SCLT1: variants seen among roughly 807,000 people sequenced by gnomAD.
SCLT1 encodes the protein sodium channel-associated protein 1.
In SCLT1, 78 loss-of-function variants were observed where a neutral mutation model predicts 112.8. The ratio of observed to expected loss-of-function variants is 0.69; its 90% confidence interval spans 0.58 to 0.83. SCLT1 has a LOEUF of 0.83. Among genes scored for constraint, SCLT1 ranks in the 40% least tolerant of loss-of-function variants. SCLT1 has a pLI of 0.00. For missense variants in SCLT1, 747 were observed against 770.4 expected (o/e 0.97, Z 0.36); for synonymous variants, 257 against 254.7 (o/e 1.01, Z -0.09).
At position 128,946,090 on chromosome 4, in the gene SCLT1, T is replaced by C. The variant is rs754406001; in HGVS notation, c.1356A>G (p.Arg452=). 13 of 1,609,538 alleles carry C rather than the reference T, an allele frequency of 8.1e-6. No individual in the cohort carries two copies. The South Asian group carries it at 1.3e-4, about 16-fold the overall frequency. ...CTTTTGAACGCTCTGAAACCAGGAATCTTTGGTGCATTTCTTCCAGTTTTC... is the reference window on the plus strand; with the variant it reads ...CTTTTGAACGCTCTGAAACCAGGAACCTTTGGTGCATTTCTTCCAGTTTTC... ...DYRKLEEMHQ[R]FLVSERSKDD... The change falls in exon 16 of 21, where the codon AGA becomes AGG. Residue 452 remains arginine (R), a synonymous_variant. Coordinates refer to ENST00000281142, the MANE Select transcript of SCLT1 (RefSeq NM_144643.4).
chr4:129,018,067 C>A (rs754813949), intron 5 of SCLT1, among the ~76,000 whole-genome samples: 4 of 152,254 alleles, frequency 2.6e-5, no homozygotes, highest in Non-Finnish European at 4.4e-5. Flanking sequence ...TGCAGCAACA[C>A]CCTGCCTTAG....
chr4:128,879,581 T>A (rs1579269204), downstream of SCLT1, among the ~76,000 whole-genome samples: 2 of 152,184 alleles, frequency 1.3e-5, no homozygotes, highest in South Asian at 4.1e-4. Context: ...ATACCTCATA[T>A]CTTTGGAAAG....
intron 8 of SCLT1, 24 bp from the exon 9 acceptor site, chr4:128,992,261 C>T: frequency 6.8e-7 from 1 of 1,471,536 alleles, no homozygotes; most frequent in Non-Finnish European, 9.4e-7. Flanking sequence ...AAAAAAGAAT[C>T]AGTATTAGAA....
chr4:128,902,111 T>C (rs888545230), intron 18 of SCLT1, among the ~76,000 whole-genome samples: 1 of 152,020 alleles, frequency 6.6e-6, no homozygotes, highest in Non-Finnish European at 1.5e-5. Context: ...CATTATGTTG[T>C]CCAGGTTGGT....
chr4:128,997,794 T>C (rs1743136212), intron 8 of SCLT1, 80 bp downstream of exon 8: 1 of 664,170 alleles, frequency 1.5e-6, no homozygotes, highest in African/African-American at 1.9e-5. Flanking sequence ...GCAGCATGCT[T>C]ATTGTTGATT....
intron 19 of SCLT1, among the ~76,000 whole-genome samples, chr4:128,890,201 G>A (rs1733202959): frequency 6.6e-6 from 1 of 152,130 alleles, no homozygotes; most frequent in African/African-American, 2.4e-5. Context: ...CATAATGGTT[G>A]AGGAACAGTT....
chr4:128,910,312 AT>A (rs1553960318), intron 18 of SCLT1, among the ~76,000 whole-genome samples: 1 of 152,188 alleles, frequency 6.6e-6, no homozygotes, highest in Non-Finnish European at 1.5e-5. Context: ...CTGGGTAAAA[AT>A]TATTGCTTAA....
intron 5 of SCLT1, among the ~76,000 whole-genome samples, chr4:129,031,151 G>C (rs1579777395): frequency 1.3e-5 from 2 of 151,798 alleles, no homozygotes; most frequent in East Asian, 3.9e-4. Context: ...TACAAGGCTG[G>C]TTCAACGTAT....
intron 16 of SCLT1, among the ~76,000 whole-genome samples, chr4:128,945,313 A>G (rs1046081240): frequency 1.3e-5 from 2 of 152,308 alleles, no homozygotes; most frequent in Middle Eastern, 3.4e-3. Flanking sequence ...TAGTACATAC[A>G]AGATTTATGC....
intron 2 of SCLT1, among the ~76,000 whole-genome samples, chr4:129,057,684 G>T (rs1457442205): frequency 6.6e-6 from 1 of 151,012 alleles, no homozygotes; most frequent in Non-Finnish European, 1.5e-5. Context: ...ATTATTGCTA[G>T]GTTTTCTAAT....
At chr4:128,993,451 G>T (rs1394298931) in intron 8 of SCLT1, among the ~76,000 whole-genome samples, 1 of 152,012 alleles carries the variant, frequency 6.6e-6, no homozygotes, top group Non-Finnish European at 1.5e-5. Context: ...ACACCTCAAA[G>T]ATAGAATTAC....
intron 2 of SCLT1, among the ~76,000 whole-genome samples, chr4:129,075,435 CATCA>C (rs1277243935): frequency 5.3e-5 from 8 of 152,078 alleles, no homozygotes; most frequent in African/African-American, 1.9e-4. Context: ...TGTGTTAAAT[CATCA>C]ATCTCCTAGC....
At chr4:129,076,399 G>T (rs1347434792) in intron 2 of SCLT1, among the ~76,000 whole-genome samples, 1 of 151,912 alleles carries the variant, frequency 6.6e-6, no homozygotes, top group African/African-American at 2.4e-5. Context: ...TCTACCTTAT[G>T]TATCTCCTTT....
intron 5 of SCLT1, among the ~76,000 whole-genome samples, chr4:129,007,751 A>C (rs1352262060): frequency 6.6e-6 from 1 of 152,174 alleles, no homozygotes; most frequent in Non-Finnish European, 1.5e-5. Context: ...ATCTGGGTTT[A>C]TATCTACTAC....
chr4:128,936,432 A>T (rs982056012), intron 18 of SCLT1, among the ~76,000 whole-genome samples: 1 of 152,216 alleles, frequency 6.6e-6, no homozygotes, highest in Non-Finnish European at 1.5e-5. Flanking sequence ...TATCCAACAA[A>T]AACTATTACA....
chr4:129,079,308 C>A (rs937955599), intron 2 of SCLT1, among the ~76,000 whole-genome samples: 1 of 152,182 alleles, frequency 6.6e-6, no homozygotes, highest in Non-Finnish European at 1.5e-5. Flanking sequence ...AGACAAGACC[C>A]TTCTGCCTAT....
chr4:129,078,621 T>C (rs1428766421), intron 2 of SCLT1, among the ~76,000 whole-genome samples: 9 of 152,164 alleles, frequency 5.9e-5, no homozygotes, highest in Non-Finnish European at 1.2e-4. Flanking sequence ...ACTCTGAATC[T>C]GGTCTTTGGA....
At chr4:128,887,669 C>T (rs1732988340) in intron 20 of SCLT1, among the ~76,000 whole-genome samples, 1 of 152,064 alleles carries the variant, frequency 6.6e-6, no homozygotes, top group African/African-American at 2.4e-5. Flanking sequence ...GGGACTATTG[C>T]TCCTACTTTA....
At chr4:129,088,916 G>A (rs1752613739) in intron 1 of SCLT1, among the ~76,000 whole-genome samples, 1 of 152,060 alleles carries the variant, frequency 6.6e-6, no homozygotes, top group South Asian at 2.1e-4. Flanking sequence ...GAAAACCTAG[G>A]CAATACCATT....
Sources: allele counts gnomAD v4.1 joint callset (sites outside exome capture counted in the v4.1 genomes callset), GRCh38; gene constraint gnomAD v4.1.1; transcripts MANE v1.5; gene names NCBI Gene and HGNC (gene_info 2026-07-23, HGNC 2026-07-21).